ATL1: variants seen among roughly 807,000 people sequenced by gnomAD.
ATL1 encodes atlastin GTPase 1, also known as atlastin-1.
ATL1 carries 31 observed loss-of-function variants against 75.5 expected under a neutral mutation model. The ratio of observed to expected loss-of-function variants is 0.41; its 90% CI spans 0.31 to 0.55. The LOEUF is 0.55. Ranked by LOEUF, ATL1 falls within the 20% of genes least tolerant of loss-of-function variation. ATL1 has a pLI of 0.27. For synonymous variants in ATL1, 226 were observed against 233.3 expected (o/e 0.97, Z 0.28); for missense variants, 405 against 662.6 (o/e 0.61, Z 4.27).
intron 1 of ATL1, among the ~76,000 whole-genome samples, chr14:50,549,417 G>A (rs781229614): frequency 3.9e-5 from 6 of 152,140 alleles, no homozygotes; most frequent in African/African-American, 4.8e-5. Flanking sequence ...GGTTCCCTCT[G>A]CACCAAGTCA....
At chr14:50,620,124 G>T (rs1196189162) in intron 8 of ATL1, among the ~76,000 whole-genome samples, 1 of 152,166 alleles carries the variant, frequency 6.6e-6, no homozygotes, top group Non-Finnish European at 1.5e-5. Context: ...TGGGCATAGT[G>T]GTGTGTGCCT....
chr14:50,549,361 C>T (rs2038674068), intron 1 of ATL1, among the ~76,000 whole-genome samples: 1 of 152,230 alleles, frequency 6.6e-6, no homozygotes, highest in Non-Finnish European at 1.5e-5. Flanking sequence ...GATATTCTAG[C>T]AGCTGTTCAG....
At position 50,628,416 on chromosome 14, in the gene ATL1, AGCTGGGAGCTGTAATAGACCAGG is replaced by A; in HGVS notation, c.1506_1528del (p.Glu502AspfsTer13). 6.2e-7 allele frequency: 1 copy of A among 1,614,130 alleles called. No homozygotes were observed. The stretch of plus-strand genomic sequence containing the variant: ...ATCCGGTACTCTGGAGAATACCGAG[AGCTGGGAGCTGTAATAGACCAGG>A]TGGCTGCAGCTCTGTGGGACCAGGT... On this transcript the variant is annotated frameshift_variant, in exon 12 of 14. Transcript: ENST00000358385. LOFTEE classifies it high-confidence loss of function.
intron 1 of ATL1, among the ~76,000 whole-genome samples, chr14:50,546,180 A>G (rs1244493929): frequency 6.6e-6 from 1 of 152,250 alleles, no homozygotes; most frequent in African/African-American, 2.4e-5. Flanking sequence ...TCAAACTGCT[A>G]TGAAAACTAC....
At chr14:50,551,931 A>C (rs974531819) in intron 1 of ATL1, among the ~76,000 whole-genome samples, 1 of 152,202 alleles carries the variant, frequency 6.6e-6, no homozygotes, top group African/African-American at 2.4e-5. Flanking sequence ...ATTTGAAAGC[A>C]TTCCCCCAGA....
intron 2 of ATL1, among the ~76,000 whole-genome samples, chr14:50,588,857 G>A (rs1284038190): frequency 6.6e-6 from 1 of 152,098 alleles, no homozygotes; most frequent in Non-Finnish European, 1.5e-5. Context: ...ATGTTATTAT[G>A]CTAATTAATA....
At chr14:50,565,401 C>T (rs1446693399) in intron 1 of ATL1, among the ~76,000 whole-genome samples, 4 of 150,928 alleles carry the variant, frequency 2.7e-5, no homozygotes, top group Non-Finnish European at 4.4e-5. Flanking sequence ...AGGAGGATCA[C>T]TTGAACCCAG....
intron 1 of ATL1, among the ~76,000 whole-genome samples, chr14:50,584,592 C>T (rs1211893235): frequency 1.3e-5 from 2 of 151,890 alleles, no homozygotes; most frequent in Admixed American, 6.6e-5. Context: ...ACCTGTAGTC[C>T]CAGCTATTCA....
chr14:50,546,731 CTTTG>C (rs1375063896), intron 1 of ATL1, among the ~76,000 whole-genome samples: 2 of 152,006 alleles, frequency 1.3e-5, no homozygotes, highest in Admixed American at 6.6e-5. Context: ...CCAGAATGAT[CTTTG>C]TTTGTGTGGT....
chr14:50,582,378 G>A (rs1047647455), intron 1 of ATL1, among the ~76,000 whole-genome samples: 5 of 150,980 alleles, frequency 3.3e-5, no homozygotes, highest in African/African-American at 4.9e-5. Flanking sequence ...TCAAAGAACC[G>A]TTCACTCCAA....
intron 1 of ATL1, among the ~76,000 whole-genome samples, chr14:50,544,483 A>G (rs1252414966): frequency 6.6e-6 from 1 of 152,214 alleles, no homozygotes; most frequent in Non-Finnish European, 1.5e-5. Context: ...CACAGGAGGA[A>G]AAGTCTGCTG....
intron 6 of ATL1, among the ~76,000 whole-genome samples, chr14:50,601,963 A>G (rs752928852): frequency 6.6e-6 from 1 of 152,156 alleles, no homozygotes; most frequent in Non-Finnish European, 1.5e-5. Context: ...ATTTGTGTCT[A>G]TATTGGTATG....
intron 6 of ATL1, among the ~76,000 whole-genome samples, chr14:50,609,995 C>G (rs111874519): frequency 6.6e-6 from 1 of 151,760 alleles, no homozygotes; most frequent in Non-Finnish European, 1.5e-5. Context: ...CTTTTTCTTA[C>G]AGAGGTTTTC....
At chr14:50,541,806 G>A (rs891656659) in intron 1 of ATL1, among the ~76,000 whole-genome samples, 2 of 151,634 alleles carry the variant, frequency 1.3e-5, no homozygotes, top group Non-Finnish European at 2.9e-5. Context: ...GGATCACGAG[G>A]TCAGGAGATT....
chr14:50,608,050 T>C (rs182962226), intron 6 of ATL1, among the ~76,000 whole-genome samples: 1 of 152,290 alleles, frequency 6.6e-6, no homozygotes, highest in East Asian at 1.9e-4. Flanking sequence ...GATGATTATT[T>C]CATTTGTAAG....
intron 1 of ATL1, among the ~76,000 whole-genome samples, chr14:50,577,312 C>G (rs775104557): frequency 6.6e-6 from 1 of 152,176 alleles, no homozygotes; most frequent in Non-Finnish European, 1.5e-5. Context: ...TCTGCCCCGC[C>G]TTGGCCTCCC....
intron 4 of ATL1, chr14:50,591,872 A>G (rs2039161998): frequency 6.4e-6 from 3 of 466,420 alleles, no homozygotes; most frequent in Non-Finnish European, 7.7e-6. Flanking sequence ...AAAAGGTCAT[A>G]TTATCTTATT....
At chr14:50,608,033 A>T (rs1192497988) in intron 6 of ATL1, among the ~76,000 whole-genome samples, 2 of 152,146 alleles carry the variant, frequency 1.3e-5, no homozygotes, top group African/African-American at 4.8e-5. Context: ...ATGATTTTAA[A>T]AAGTTAGATG....
chr14:50,541,279 TC>T (rs1032875746), intron 1 of ATL1, among the ~76,000 whole-genome samples: 11 of 152,210 alleles, frequency 7.2e-5, no homozygotes, highest in African/African-American at 9.6e-5. Context: ...ATCATGGTAG[TC>T]TTTTATCTTG....
Sources: gnomAD v4.1 joint callset for allele counts (sites outside exome capture counted in the v4.1 genomes callset) on GRCh38, gnomAD v4.1.1 for gene constraint, MANE v1.5 for transcripts, NCBI Gene and HGNC (gene_info 2026-07-23, HGNC 2026-07-21) for gene names.